The following DGKB variants were observed in gnomAD, a reference collection of about 807,000 sequenced individuals.
DGKB encodes 90 kDa diacylglycerol kinase.
DGKB carries 67 observed loss-of-function variants against 114.3 expected under a neutral mutation model. The observed-to-expected ratio is 0.59, with a 90% CI of 0.48 to 0.72. The LOEUF (loss-of-function observed/expected upper bound fraction) is 0.72. DGKB is among the 30% of genes least tolerant of loss of function. The pLI, the probability that DGKB is intolerant of heterozygous loss-of-function variation, is 0.00. For missense variants in DGKB, 907 were observed against 975.2 expected (o/e 0.93, Z 0.93); for synonymous variants, 398 against 323.1 (o/e 1.23, Z -2.49).
chr7:14,177,939 A>G (rs1782029553), intron 24 of DGKB, 92 bp downstream of exon 24: 2 of 1,326,404 alleles, frequency 1.5e-6, no homozygotes, highest in Admixed American at 2.7e-5. Context: ...AGCCCAAAGA[A>G]GACAATGTTA....
intron 2 of DGKB, among the ~76,000 whole-genome samples, chr7:14,820,463 C>T (rs922132396): frequency 2.0e-5 from 3 of 152,152 alleles, no homozygotes. Flanking sequence ...CCTCTTATTA[C>T]AGTGCATGCA....
At chr7:14,306,303 T>A (rs79801806) in intron 23 of DGKB, among the ~76,000 whole-genome samples, 2,743 of 151,978 alleles carry the variant, frequency 0.018, 153 homozygotes, top group East Asian at 0.14. Flanking sequence ...CGAAAGAAAG[T>A]AAGAAAGGAA....
chr7:14,313,548 C>A lies in DGKB; in HGVS notation c.2122+24967G>T, dbSNP rs531988449. Among the ~76,000 whole-genome samples the A allele has an allele frequency of 2.8e-4, 42 of 152,294 alleles. No individual in the cohort carries two copies. The South Asian group carries it at 6.0e-3, about 22-fold the overall frequency. ...GGAAAATCGGGAAAATCGGGTCACT[C>A]CCACCCGAATACTGCGCTTTTCCGA... On this transcript the variant is annotated intron_variant, in intron 23 of 25. Coordinates refer to ENST00000402815, the MANE Select transcript of DGKB (RefSeq NM_001350709.2).
chr7:14,701,377 T>C (rs988230526), intron 7 of DGKB, among the ~76,000 whole-genome samples: 2 of 152,244 alleles, frequency 1.3e-5, no homozygotes, highest in African/African-American at 2.4e-5. Context: ...TGGTTTCAAC[T>C]TAATCTTATG....
chr7:14,586,228 C>A (rs1800737202), intron 17 of DGKB, among the ~76,000 whole-genome samples: 2 of 152,068 alleles, frequency 1.3e-5, no homozygotes, highest in African/African-American at 2.4e-5. Context: ...AACACACAAA[C>A]AACAAGAAGG....
chr7:14,780,486 G>T (rs1314026596), intron 2 of DGKB, among the ~76,000 whole-genome samples: 1 of 152,220 alleles, frequency 6.6e-6, no homozygotes, highest in African/African-American at 2.4e-5. Flanking sequence ...TGAGAGAGCA[G>T]TTGTGATGCT....
At position 14,765,205 on chromosome 7, in the gene DGKB, T is replaced by A. The variant is rs933323099; in HGVS notation, c.71-7474A>T. 5.3e-5 allele frequency among the ~76,000 whole-genome samples: 8 copies of A among 151,964 alleles called. No homozygotes were observed. The East Asian group carries it at 1.5e-3, about 29-fold the overall frequency. ...AGCTGTACAAAAACCAAACCCTCTA[T>A]TCAGGTCTTTGCTCCAGGCTCACCA... On this transcript the variant is annotated intron_variant, in intron 2 of 25. Coordinates refer to ENST00000402815, the MANE Select transcript of DGKB (RefSeq NM_001350709.2).
intron 17 of DGKB, among the ~76,000 whole-genome samples, chr7:14,605,724 C>A (rs1417348103): frequency 6.6e-6 from 1 of 151,892 alleles, no homozygotes. Flanking sequence ...GGGCTAAAAT[C>A]AAATTTATTC....
chr7:14,481,253 C>T (rs1402173563), intron 20 of DGKB, among the ~76,000 whole-genome samples: 1 of 151,682 alleles, frequency 6.6e-6, no homozygotes, highest in Non-Finnish European at 1.5e-5. Context: ...TCTGTATAGG[C>T]TTATTTATGT....
intron 9 of DGKB, among the ~76,000 whole-genome samples, chr7:14,690,242 T>G (rs1171171382): frequency 6.6e-6 from 1 of 152,214 alleles, no homozygotes; most frequent in Non-Finnish European, 1.5e-5. Context: ...GAAAGAGTAT[T>G]AGGAAACACT....
chr7:14,662,441 T>C (rs147993407), intron 13 of DGKB, among the ~76,000 whole-genome samples: 52 of 152,074 alleles, frequency 3.4e-4, no homozygotes, highest in African/African-American at 1.2e-3. Flanking sequence ...AGCGGACTCA[T>C]TTGTAGGACA....
intron 23 of DGKB, among the ~76,000 whole-genome samples, chr7:14,227,498 A>G (rs1790995194): frequency 6.6e-6 from 1 of 152,096 alleles, no homozygotes; most frequent in Non-Finnish European, 1.5e-5. Flanking sequence ...GCTAAAGTCA[A>G]TCTACCAGGC....
At chr7:14,871,832 G>T (rs373240542) in intron 1 of DGKB, among the ~76,000 whole-genome samples, 2 of 152,278 alleles carry the variant, frequency 1.3e-5, no homozygotes, top group African/African-American at 4.8e-5. Context: ...GCATCATGCA[G>T]ACATTAGTGG....
At chr7:14,734,916 C>A (rs1376619411) in intron 5 of DGKB, among the ~76,000 whole-genome samples, 2 of 151,852 alleles carry the variant, frequency 1.3e-5, no homozygotes, top group Non-Finnish European at 2.9e-5. Context: ...ATAGAGGGCG[C>A]TAGAGAGAGA....
intron 1 of DGKB, among the ~76,000 whole-genome samples, chr7:14,953,541 G>T (rs1040131730): frequency 6.6e-6 from 1 of 152,016 alleles, no homozygotes; most frequent in African/African-American, 2.4e-5. Context: ...ATAAAGACAG[G>T]TAATAACAGG....
At chr7:14,803,042 T>A (rs1170237010) in intron 2 of DGKB, among the ~76,000 whole-genome samples, 1 of 152,060 alleles carries the variant, frequency 6.6e-6, no homozygotes, top group Non-Finnish European at 1.5e-5. Flanking sequence ...TAGGTTGCAG[T>A]TTAAATAGAG....
At chr7:14,205,169 C>G (rs1437993452) in intron 23 of DGKB, among the ~76,000 whole-genome samples, 2 of 152,004 alleles carry the variant, frequency 1.3e-5, no homozygotes, top group Non-Finnish European at 2.9e-5. Context: ...GTGACACAAG[C>G]TTGCATTCTG....
Position 14,285,022 on chromosome 7 carries a change from TAAAAA to T in DGKB, c.2122+53488_2122+53492del, listed in dbSNP as rs1298466193. 1.2e-4 allele frequency among the ~76,000 whole-genome samples: 9 copies of T among 75,782 alleles called. No individual in the cohort carries two copies. In the East Asian group the frequency reaches 2.1e-3, roughly 18 times the overall value. The allele number at this position is 75,782 out of a possible 152,430, so 49.7% of individuals were successfully genotyped here. A position where few individuals can be genotyped will look rare whatever the true frequency, so the allele number is the denominator to read the frequency against. ...AACTTAAAGTATAATAATAAAAAAA[TAAAAA>T]AATAATAAAAAAAAGAAATGTATTG... On this transcript the variant is annotated intron_variant, in intron 23 of 25. Coordinates refer to ENST00000402815, the MANE Select transcript of DGKB (RefSeq NM_001350709.2).
upstream of DGKB, among the ~76,000 whole-genome samples, chr7:14,905,934 T>C (rs1437571593): frequency 6.6e-6 from 1 of 152,208 alleles, no homozygotes; most frequent in African/African-American, 2.4e-5. Flanking sequence ...GCTAAATAAC[T>C]GGCACTTTAA....
Sources: allele counts gnomAD v4.1 joint callset (sites outside exome capture counted in the v4.1 genomes callset), GRCh38; gene constraint gnomAD v4.1.1; transcripts MANE v1.5; gene names NCBI Gene and HGNC (gene_info 2026-07-23, HGNC 2026-07-21).